Variants in SEMA3A observed in about 807,000 individuals in gnomAD.
SEMA3A encodes semaphorin-3A.
Under a neutral mutation model 97.9 loss-of-function variants are expected in SEMA3A, and 29 were observed. The ratio of observed to expected loss-of-function variants is 0.30; its 90% CI spans 0.22 to 0.40. The LOEUF is 0.40. Among genes scored for constraint, SEMA3A ranks in the 10% least tolerant of loss-of-function variants. The probability of loss-of-function intolerance (pLI) is 1.00; values close to 1 mark genes in which losing one functional copy is unlikely to be tolerated. For synonymous variants in SEMA3A, 321 were observed against 323.7 expected (o/e 0.99, Z 0.09); for missense variants, 763 against 951.3 (o/e 0.80, Z 2.60).
At chr7:84,237,111 T>A (rs1799254149) in intron 3 of SEMA3A, among the ~76,000 whole-genome samples, 1 of 152,114 alleles carries the variant, frequency 6.6e-6, no homozygotes, top group South Asian at 2.1e-4. Context: ...AACATATTTT[T>A]AAAATAATTA....
At chr7:84,428,829 T>A (rs2116313208) in intron 1 of SEMA3A, among the ~76,000 whole-genome samples, 1 of 152,188 alleles carries the variant, frequency 6.6e-6, no homozygotes, top group South Asian at 2.1e-4. Flanking sequence ...TGTAAGTAAC[T>A]TATCTGGGAT....
chr7:84,007,974 T>C (rs1790733140), intron 9 of SEMA3A, among the ~76,000 whole-genome samples: 1 of 152,212 alleles, frequency 6.6e-6, no homozygotes, highest in South Asian at 2.1e-4. Flanking sequence ...CCACATTATA[T>C]TATTTTTAAA....
rs1788296315 is a variant in SEMA3A at position 83,956,905 on chromosome 7, T to C, written c.*4466A>G. ...GCACCCCATGATCTCTCTCCACAAGTTAATTCCTCCTTTTTTTTTTCTTTG... is the reference window on the plus strand; with the variant it reads ...GCACCCCATGATCTCTCTCCACAAGCTAATTCCTCCTTTTTTTTTTCTTTG... On this transcript the variant is annotated 3_prime_UTR_variant, in exon 17 of 17. Coordinates refer to ENST00000265362, the MANE Select transcript of SEMA3A (RefSeq NM_006080.3). The C allele has an allele frequency of 6.6e-6, 1 of 152,066 alleles. No individual in the cohort carries two copies. The highest frequency in any genetic ancestry group is 2.4e-5 in the African/African-American group (1 of 41,424). 9.4% of individuals were successfully genotyped at this position (152,066 alleles called of 1,614,324 possible). A position where few individuals can be genotyped will look rare whatever the true frequency, so the allele number is the denominator to read the frequency against.
chr7:84,164,564 A>T (rs1027431729), intron 1 of SEMA3A, among the ~76,000 whole-genome samples: 4 of 152,146 alleles, frequency 2.6e-5, no homozygotes, highest in African/African-American at 9.7e-5. Flanking sequence ...GACTTATGGA[A>T]TGTTTATATA....
At chr7:84,088,942 G>A (rs1794477118) in intron 4 of SEMA3A, among the ~76,000 whole-genome samples, 1 of 151,646 alleles carries the variant, frequency 6.6e-6, no homozygotes. Flanking sequence ...TAAACAGTGA[G>A]GGAGGGGGTT....
At chr7:84,379,786 A>T (rs533139986) in intron 1 of SEMA3A, among the ~76,000 whole-genome samples, 1 of 152,226 alleles carries the variant, frequency 6.6e-6, no homozygotes, top group South Asian at 2.1e-4. Context: ...AATAAATTTC[A>T]AAGTATTGGT....
intron 15 of SEMA3A, among the ~76,000 whole-genome samples, chr7:83,974,017 G>A (rs2116294701): frequency 6.6e-6 from 1 of 151,544 alleles, no homozygotes; most frequent in East Asian, 2.0e-4. Flanking sequence ...ATTTTCTTGA[G>A]TACAAAGTCA....
intron 2 of SEMA3A, among the ~76,000 whole-genome samples, chr7:84,355,851 G>T (rs1174921855): frequency 6.6e-6 from 1 of 151,842 alleles, no homozygotes; most frequent in Non-Finnish European, 1.5e-5. Context: ...AAGTGCCTGA[G>T]AATGTAATTT....
chr7:84,271,036 T>C (rs1286663963), intron 3 of SEMA3A, among the ~76,000 whole-genome samples: 3 of 152,116 alleles, frequency 2.0e-5, no homozygotes, highest in Non-Finnish European at 2.9e-5. Context: ...TTTGCTATTA[T>C]GGGACAAATT....
At chr7:84,127,064 T>A (rs1392920458) in intron 3 of SEMA3A, among the ~76,000 whole-genome samples, 1 of 152,110 alleles carries the variant, frequency 6.6e-6, no homozygotes, top group East Asian at 1.9e-4. Flanking sequence ...ACATTTGCTC[T>A]ACTATGAAGG....
At chr7:84,475,176 G>T (rs990121887) in intron 1 of SEMA3A, among the ~76,000 whole-genome samples, 5 of 147,686 alleles carry the variant, frequency 3.4e-5, no homozygotes, top group Admixed American at 6.8e-5. Flanking sequence ...TGTGTGTTTT[G>T]TTTTTTTTTT....
At chr7:84,323,301 T>C (rs1037575335) in intron 2 of SEMA3A, among the ~76,000 whole-genome samples, 2 of 152,206 alleles carry the variant, frequency 1.3e-5, no homozygotes, top group Non-Finnish European at 1.5e-5. Flanking sequence ...CTTCAAAAGA[T>C]GCAATTCACT....
chr7:84,406,374 C>G lies in SEMA3A; in HGVS notation c.-245-34474G>C, dbSNP rs548271867. Among the ~76,000 whole-genome samples, 45 of 152,156 alleles carry G rather than the reference C, an allele frequency of 3.0e-4. No homozygotes were observed. In the East Asian group the frequency reaches 7.1e-3, roughly 24 times the overall value. On this transcript the variant is annotated intron_variant, in intron 1 of 3. Coordinates refer to the SEMA3A transcript ENST00000424555. ...GAAGAAGCTGAATCTCTGAATAGAC[C>G]AATAACAGGCTCTGAAATTGAGGCA...
chr7:84,193,408 CT>C, intron 1 of SEMA3A, among the ~76,000 whole-genome samples: 1 of 151,972 alleles, frequency 6.6e-6, no homozygotes, highest in Non-Finnish European at 1.5e-5. Context: ...TTTATTTTAA[CT>C]TATAGGCTAA....
chr7:84,161,210 A>G (rs1248805014), intron 1 of SEMA3A, among the ~76,000 whole-genome samples: 1 of 151,838 alleles, frequency 6.6e-6, no homozygotes, highest in African/African-American at 2.4e-5. Flanking sequence ...CTAATAATGC[A>G]AAAATTAGCC....
intron 1 of SEMA3A, among the ~76,000 whole-genome samples, chr7:84,156,136 C>T (rs554536556): frequency 5.3e-5 from 8 of 151,902 alleles, no homozygotes; most frequent in African/African-American, 1.9e-4. Flanking sequence ...TTGCCTTTTT[C>T]ATATCATCCT....
At chr7:84,049,545 G>C (rs553633247) in intron 5 of SEMA3A, among the ~76,000 whole-genome samples, 1 of 152,100 alleles carries the variant, frequency 6.6e-6, no homozygotes, top group South Asian at 2.1e-4. Flanking sequence ...CTGTGGCTTT[G>C]TGAAATAAAC....
chr7:84,039,001 A>C (rs180703282), intron 6 of SEMA3A, among the ~76,000 whole-genome samples: 1 of 152,276 alleles, frequency 6.6e-6, no homozygotes, highest in Admixed American at 6.5e-5. Context: ...ATCAATTAAA[A>C]CATAATCAAA....
Position 83,985,426 on chromosome 7 carries a change from A to G in SEMA3A, c.1494+10T>C. 6.3e-7 allele frequency: 1 copy of G among 1,594,664 alleles called. No homozygotes were observed. The highest frequency in any genetic ancestry group is 8.6e-7 in the Non-Finnish European group (1 of 1,164,024). ...ATTGGATATTCAATGGTAATACATA[A>G]TGATAGTACCTGCTTAGTGGAAAGC... On this transcript the variant is annotated intron_variant, in intron 13 of 16. Coordinates refer to ENST00000265362, the MANE Select transcript of SEMA3A (RefSeq NM_006080.3).
Sources: allele counts gnomAD v4.1 joint callset (sites outside exome capture counted in the v4.1 genomes callset), GRCh38; gene constraint gnomAD v4.1.1; transcripts MANE v1.5; gene names NCBI Gene and HGNC (gene_info 2026-07-23, HGNC 2026-07-21).